SHB: variants seen among roughly 807,000 people sequenced by gnomAD.
The protein encoded by SHB is SH2 domain containing adaptor protein B, also known as SH2 domain-containing adapter protein B.
A neutral mutation model predicts 52.3 loss-of-function variants in SHB; 20 were observed. The observed-to-expected ratio is 0.38, with a 90% CI of 0.27 to 0.56. SHB has a LOEUF of 0.56. Among genes scored for constraint, SHB ranks in the 20% least tolerant of loss-of-function variants. The pLI is 0.71. For missense variants in SHB, 825 were observed against 723.3 expected (o/e 1.14, Z -1.61); for synonymous variants, 397 against 316.5 (o/e 1.25, Z -2.70).
intron 2 of SHB, among the ~76,000 whole-genome samples, chr9:37,986,574 A>G (rs1820809200): frequency 6.6e-6 from 1 of 152,208 alleles, no homozygotes; most frequent in Admixed American, 6.5e-5. Flanking sequence ...AGACACTGAT[A>G]ATCTGAAGGT....
At chr9:38,054,202 G>C (rs1821784378) in intron 1 of SHB, among the ~76,000 whole-genome samples, 1 of 152,208 alleles carries the variant, frequency 6.6e-6, no homozygotes. Flanking sequence ...ACACACTTGG[G>C]TTCTGCTGTG....
intron 1 of SHB, among the ~76,000 whole-genome samples, chr9:38,020,776 T>TA (rs2118088609): frequency 6.6e-6 from 1 of 152,106 alleles, no homozygotes; most frequent in South Asian, 2.1e-4. Flanking sequence ...TAAATAAATT[T>TA]AAAAAAAGAC....
intron 2 of SHB, among the ~76,000 whole-genome samples, chr9:37,991,210 G>A (rs1820875966): frequency 1.3e-5 from 2 of 152,288 alleles, no homozygotes; most frequent in South Asian, 4.2e-4. Context: ...TAACCCCTAG[G>A]ACAGATGGGG....
chr9:38,017,222 A>T (rs1821224113), intron 1 of SHB, among the ~76,000 whole-genome samples: 1 of 152,198 alleles, frequency 6.6e-6, no homozygotes, highest in Non-Finnish European at 1.5e-5. Flanking sequence ...TTTCTGGCAA[A>T]GACCAAGCCC....
chr9:37,976,462 C>T (rs1820654457), intron 2 of SHB, among the ~76,000 whole-genome samples: 2 of 152,164 alleles, frequency 1.3e-5, no homozygotes, highest in African/African-American at 4.8e-5. Context: ...AACCCTGTAC[C>T]CATTAAACAC....
Position 38,016,112 on chromosome 9 carries a change from T to G in SHB, c.737A>C (p.Tyr246Ser). 6.2e-7 allele frequency: 1 copy of G among 1,614,130 alleles called. No homozygotes were observed. ...ATTCTTGGCATCAAAGGGATCTGAG[T>G]AGTCATCGGCTATGGTCACCTGCAG... is the stretch of plus-strand genomic sequence containing the variant. ...KKDKVTIADDYSDPFDAKNDL... is the reference protein window; with the variant it reads ...KKDKVTIADDSSDPFDAKNDL... Residue 246 changes from tyrosine to serine, a missense_variant, in exon 2 of 6, where the codon TAC (tyrosine) becomes TCC (serine). Transcript: ENST00000377707.
chr9:38,025,080 G>GC (rs1426365983), intron 1 of SHB, among the ~76,000 whole-genome samples: 1 of 152,180 alleles, frequency 6.6e-6, no homozygotes, highest in African/African-American at 2.4e-5. Context: ...TTTCTTCAAT[G>GC]CCTATACCAC....
intron 5 of SHB, among the ~76,000 whole-genome samples, chr9:37,945,371 T>C (rs1832480248): frequency 6.6e-6 from 1 of 152,196 alleles, no homozygotes; most frequent in Admixed American, 6.5e-5. Context: ...GTTGAGGTGA[T>C]TCATTCCAGG....
chr9:37,938,367 C>T (rs935452520), intron 5 of SHB, among the ~76,000 whole-genome samples: 3 of 152,238 alleles, frequency 2.0e-5, no homozygotes, highest in African/African-American at 4.8e-5. Context: ...CAGCTGTCCT[C>T]GTGGCCTTCC....
chr9:38,051,847 T>A (rs879351220), intron 1 of SHB, among the ~76,000 whole-genome samples: 3 of 152,210 alleles, frequency 2.0e-5, no homozygotes, highest in African/African-American at 4.8e-5. Flanking sequence ...TTCAAGGGGC[T>A]CTTTGACTGA....
chr9:38,043,826 T>C (rs1435583680), intron 1 of SHB, among the ~76,000 whole-genome samples: 1 of 150,040 alleles, frequency 6.7e-6, no homozygotes, highest in East Asian at 1.9e-4. Flanking sequence ...GAGGTGGAGG[T>C]TGAGGTGAGC....
chr9:37,969,495 A>C (rs1029114704), intron 3 of SHB, among the ~76,000 whole-genome samples: 2 of 152,130 alleles, frequency 1.3e-5, no homozygotes, highest in Non-Finnish European at 2.9e-5. Flanking sequence ...TCTCACCAAG[A>C]CCCTTCTGAA....
intron 2 of SHB, among the ~76,000 whole-genome samples, chr9:38,007,192 C>G (rs2118055826): frequency 6.6e-6 from 1 of 152,288 alleles, no homozygotes; most frequent in Admixed American, 6.5e-5. Context: ...TGACCCAGGC[C>G]CTGTGACTTC....
At chr9:38,033,621 C>G (rs1267371589) in intron 1 of SHB, among the ~76,000 whole-genome samples, 1 of 152,182 alleles carries the variant, frequency 6.6e-6, no homozygotes, top group East Asian at 1.9e-4. Flanking sequence ...ACTCCCCCTC[C>G]CCATATTTTT....
At chr9:38,001,498 G>C (rs1028191757) in intron 2 of SHB, among the ~76,000 whole-genome samples, 3 of 152,260 alleles carry the variant, frequency 2.0e-5, no homozygotes, top group African/African-American at 7.2e-5. Flanking sequence ...TGTGGGCTGG[G>C]GAGAGCCTGG....
At chr9:38,020,049 A>C (rs1821263541) in intron 1 of SHB, among the ~76,000 whole-genome samples, 1 of 152,242 alleles carries the variant, frequency 6.6e-6, no homozygotes, top group East Asian at 1.9e-4. Context: ...ATTAAGTTAA[A>C]GAAAGGGTCT....
intron 2 of SHB, among the ~76,000 whole-genome samples, chr9:38,007,010 G>A (rs2118055387): frequency 6.6e-6 from 1 of 152,342 alleles, no homozygotes; most frequent in East Asian, 1.9e-4. Flanking sequence ...ATGAGTTTCG[G>A]GGAATCATGG....
intron 3 of SHB, among the ~76,000 whole-genome samples, chr9:37,960,828 G>A (rs532343576): frequency 6.6e-6 from 1 of 152,264 alleles, no homozygotes; most frequent in East Asian, 1.9e-4. Flanking sequence ...GGTGAGGAAC[G>A]GCGGTCCAGA....
Position 38,068,273 on chromosome 9 carries a change from G to A in SHB, c.373C>T (p.Gln125Ter). ...GCGGACGAGGCCGAGAAGGCGCGCT[G>A]GACCCCGCCTGGCTCCCCGCTGCCG... is the stretch of plus-strand genomic sequence containing the variant. ...CGGSGEPGGV[Q>*]RAFSASSASG... Residue 125 changes from glutamine (Q) to a stop codon, truncating the protein, a stop_gained, in exon 1 of 6, where the codon CAG becomes TAG. Transcript: ENST00000377707. LOFTEE classifies it high-confidence loss of function. 6.8e-7 allele frequency: 1 copy of A among 1,466,474 alleles called. No individual in the cohort carries two copies. Among genetic ancestry groups the A allele is most frequent in the Non-Finnish European group, 9.0e-7 (1 of 1,116,356 alleles). The allele number at this position is 1,466,474 out of a possible 1,614,324, so 90.8% of individuals were successfully genotyped here. A position where few individuals can be genotyped will look rare whatever the true frequency, so the allele number is the denominator to read the frequency against.
Sources: gnomAD v4.1 joint callset for allele counts (sites outside exome capture counted in the v4.1 genomes callset) on GRCh38, gnomAD v4.1.1 for gene constraint, MANE v1.5 for transcripts, NCBI Gene and HGNC (gene_info 2026-07-23, HGNC 2026-07-21) for gene names.